The following GPR26 variants were observed in gnomAD, a reference collection of about 807,000 sequenced individuals.
The protein encoded by GPR26 is G protein-coupled receptor 26.
In GPR26, 15 loss-of-function variants were observed where a neutral mutation model predicts 23.1. The observed-to-expected ratio is 0.65, with a 90% confidence interval of 0.43 to 1.00. The LOEUF is 1.00. Among genes scored for constraint, GPR26 ranks in the 50% least tolerant of loss-of-function variants. GPR26 has a pLI of 0.00. For synonymous variants in GPR26, 228 were observed against 222.1 expected, an observed-to-expected ratio of 1.03 and a Z score of -0.24; for missense variants, 359 against 470.5, an observed-to-expected ratio of 0.76 and a Z score of 2.19.
chr10:123,678,978 C>CA lies in GPR26; in HGVS notation c.782+4050dup, dbSNP rs1196964046. On this transcript the variant is annotated intron_variant, in intron 2 of 2. Coordinates refer to ENST00000284674, the MANE Select transcript of GPR26 (RefSeq NM_153442.4). ...GTAAGGAATAAATAAGATCGCCCTG[C>CA]AAAGCATTCAGCACAGTGTGGACTT... Among the ~76,000 whole-genome samples the CA allele has an allele frequency of 2.0e-5, 3 of 152,326 alleles. No homozygotes were observed. The East Asian group carries it at 5.8e-4, about 29-fold the overall frequency.
intron 2 of GPR26, among the ~76,000 whole-genome samples, chr10:123,680,039 T>C (rs1450094329): frequency 6.6e-6 from 1 of 152,162 alleles, no homozygotes; most frequent in East Asian, 1.9e-4. Flanking sequence ...ACATACAGGC[T>C]CTCTTGAGAA....
chr10:123,671,005 C>T (rs1189993988), intron 1 of GPR26, among the ~76,000 whole-genome samples: 1 of 152,154 alleles, frequency 6.6e-6, no homozygotes, highest in Non-Finnish European at 1.5e-5. Context: ...GATTTGAGGG[C>T]CAGACTGCTT....
intron 2 of GPR26, among the ~76,000 whole-genome samples, chr10:123,675,811 TGTGTGTAC>T (rs759162241): frequency 2.6e-4 from 26 of 100,092 alleles, no homozygotes; most frequent in South Asian, 9.8e-4. Context: ...TGTGTGTGTG[TGTGTGTAC>T]GTGTGTGTGT....
chr10:123,673,072 G>T (rs144464370), intron 1 of GPR26, among the ~76,000 whole-genome samples: 1 of 152,162 alleles, frequency 6.6e-6, no homozygotes, highest in East Asian at 1.9e-4. Context: ...TTAATTTCTA[G>T]AAATTAATTA....
At chr10:123,672,034 C>T (rs1845257756) in intron 1 of GPR26, among the ~76,000 whole-genome samples, 1 of 152,126 alleles carries the variant, frequency 6.6e-6, no homozygotes, top group African/African-American at 2.4e-5. Flanking sequence ...TCCCTCGGAG[C>T]CTGGGGATGG....
At chr10:123,686,123 T>G (rs1230436226) in intron 2 of GPR26, among the ~76,000 whole-genome samples, 1 of 152,236 alleles carries the variant, frequency 6.6e-6, no homozygotes, top group African/African-American at 2.4e-5. Flanking sequence ...AATTTTGATC[T>G]TGCTGGATGG....
In GPR26 at chr10:123,667,031, G is replaced by A. The variant is rs147039170; in HGVS notation, c.624G>A (p.Val208=). The A allele has an allele frequency of 1.9e-6, 3 of 1,608,012 alleles. No homozygotes were observed. Among genetic ancestry groups the A allele is most frequent in the South Asian group, 2.2e-5 (2 of 89,870 alleles). Residue 208 remains valine, a synonymous_variant, in exon 1 of 3, where the codon GTG becomes GTA. Coordinates refer to ENST00000284674, the MANE Select transcript of GPR26 (RefSeq NM_153442.4). ...GCTTCCATTGCAAGCGCATCGACGT[G>A]ATCACCATGCAGACGCTGGTGCTGC... The part of the protein sequence containing the change: ...VARFHCKRID[V]ITMQTLVLLV...
chr10:123,687,103 C>T (rs562346635), intron 2 of GPR26, among the ~76,000 whole-genome samples: 1 of 152,094 alleles, frequency 6.6e-6, no homozygotes, highest in African/African-American at 2.4e-5. Flanking sequence ...CTGGTGGCAC[C>T]GAGAGGACTC....
At position 123,689,551 on chromosome 10, in the gene GPR26, C is replaced by T. The variant is rs184794029; in HGVS notation, c.*1391C>T. On this transcript the variant is annotated 3_prime_UTR_variant, in exon 3 of 3. Coordinates refer to ENST00000284674, the MANE Select transcript of GPR26 (RefSeq NM_153442.4). ...TTTCAATCCTCCACTCTAAGTGATT[C>T]CTCCAGGGTGGGAAGCACGGGGAGC... 1.3e-5 allele frequency: 2 copies of T among 152,314 alleles called. No individual in the cohort carries two copies. Among genetic ancestry groups the T allele is most frequent in the East Asian group, 3.9e-4 (2 of 5,184 alleles). The allele number at this position is 152,314 out of a possible 1,614,324, so 9.4% of individuals were successfully genotyped here. A position where few individuals can be genotyped will look rare whatever the true frequency, so the allele number is the denominator to read the frequency against.
At chr10:123,685,025 C>T (rs1163574422) in intron 2 of GPR26, among the ~76,000 whole-genome samples, 1 of 152,210 alleles carries the variant, frequency 6.6e-6, no homozygotes, top group African/African-American at 2.4e-5. Flanking sequence ...TGCCTGCCTC[C>T]CACGTCCCGT....
chr10:123,680,849 G>GTT (rs139650165), intron 2 of GPR26, among the ~76,000 whole-genome samples: 10 of 109,016 alleles, frequency 9.2e-5, no homozygotes, highest in African/African-American at 1.1e-4. Flanking sequence ...TTGTTTTTTT[G>GTT]TTTTTTTTGA....
At chr10:123,676,393 A>T (rs1418865071) in intron 2 of GPR26, among the ~76,000 whole-genome samples, 1 of 152,132 alleles carries the variant, frequency 6.6e-6, no homozygotes, top group Non-Finnish European at 1.5e-5. Context: ...TCTATGCCAG[A>T]TACTTATTTG....
At chr10:123,676,315 T>A (rs61013675) in intron 2 of GPR26, among the ~76,000 whole-genome samples, 30,150 of 152,022 alleles carry the variant, frequency 0.2, 3,035 homozygotes, top group African/African-American at 0.23. Flanking sequence ...TCTGGATGGG[T>A]CTGACTGGAG....
intron 2 of GPR26, among the ~76,000 whole-genome samples, chr10:123,686,550 C>T (rs1231597469): frequency 6.6e-6 from 1 of 151,136 alleles, no homozygotes; most frequent in Non-Finnish European, 1.5e-5. Context: ...AGGGGCATTT[C>T]TGTGGAGAAT....
intron 2 of GPR26, among the ~76,000 whole-genome samples, chr10:123,684,271 C>T (rs374066328): frequency 2.4e-4 from 37 of 152,074 alleles, no homozygotes; most frequent in Admixed American, 2.2e-3. Context: ...TGGCAAGGGG[C>T]GGCACCCTGT....
Position 123,674,031 on chromosome 10 carries a change from C to T in GPR26, c.669-787C>T, listed in dbSNP as rs1481866065. On this transcript the variant is annotated intron_variant, in intron 1 of 2. Coordinates refer to ENST00000284674, the MANE Select transcript of GPR26 (RefSeq NM_153442.4). This position sits in a 1 kb window ranked among gnomAD's most constrained non-coding sequence, Gnocchi z 4.1. Reference sequence around the variant, plus strand: ...GAAGGGCAATGACACGGTCTCAGCTCACTGCAACCTCTGCCTCCTGGGTTC... The same window carrying T: ...GAAGGGCAATGACACGGTCTCAGCTTACTGCAACCTCTGCCTCCTGGGTTC... Among the ~76,000 whole-genome samples the T allele has an allele frequency of 6.6e-6, 1 of 152,108 alleles. No homozygotes were observed. The highest frequency in any genetic ancestry group is 1.5e-5 in the Non-Finnish European group (1 of 68,036).
intron 1 of GPR26, among the ~76,000 whole-genome samples, chr10:123,671,772 T>C (rs1314164100): frequency 1.3e-5 from 2 of 152,198 alleles, no homozygotes; most frequent in East Asian, 1.9e-4. Flanking sequence ...GGAAGAGCCC[T>C]GACTCTGTCC....
rs1458789036 is a variant in GPR26, at chr10:123,674,512, C to T, written c.669-306C>T. ...TGTGCTTCACACATGGAATGCATTC[C>T]ATGCATCTCTGTGCTTTATGCATTT... is the stretch of plus-strand genomic sequence containing the variant. On this transcript the variant is annotated intron_variant, in intron 1 of 2. Coordinates refer to ENST00000284674, the MANE Select transcript of GPR26 (RefSeq NM_153442.4). This position sits in a 1 kb window ranked among gnomAD's most constrained non-coding sequence, Gnocchi z 4.1. Among the ~76,000 whole-genome samples, 2 of 152,230 alleles carry T rather than the reference C, an allele frequency of 1.3e-5. No individual in the cohort carries two copies. The highest frequency in any genetic ancestry group is 4.8e-5 in the African/African-American group (2 of 41,456).
rs1845450781 is a variant in GPR26 at position 123,688,151 on chromosome 10, GTC to G, written c.1007_1008del (p.Ser336Ter). The G allele has an allele frequency of 6.3e-7, 1 of 1,577,486 alleles. No homozygotes were observed. Among genetic ancestry groups the G allele is most frequent in the South Asian group, 1.1e-5 (1 of 90,668 alleles). On this transcript the variant is annotated frameshift_variant, in exon 3 of 3. Coordinates refer to ENST00000284674, the MANE Select transcript of GPR26 (RefSeq NM_153442.4). LOFTEE classifies it high-confidence loss of function. ...DSHSQNILPV[S>X]E ...CTCACAGCCAGAACATTCTGCCGGT[GTC>G]TGAGTGAAGGACCGCGCTCCTGCTG...
Sources: allele counts gnomAD v4.1 joint callset (sites outside exome capture counted in the v4.1 genomes callset), GRCh38; gene constraint gnomAD v4.1.1; non-coding constraint Gnocchi (gnomAD v3.1); transcripts MANE v1.5; gene names NCBI Gene and HGNC (gene_info 2026-07-23, HGNC 2026-07-21).